Variants in PPEF2 observed in about 807,000 individuals in gnomAD.
PPEF2 encodes serine/threonine-protein phosphatase with EF-hands 2.
Under a neutral mutation model 84.7 loss-of-function variants are expected in PPEF2, and 84 were observed. That is an observed-to-expected ratio of 0.99 (90% CI 0.83 to 1.19). The LOEUF (loss-of-function observed/expected upper bound fraction) is 1.19. Ranked by LOEUF, PPEF2 falls within the 50% of genes most tolerant of loss-of-function variation. PPEF2 has a pLI of 0.00. For synonymous variants in PPEF2, 346 were observed against 345.2 expected, an observed-to-expected ratio of 1.00 and a Z score of -0.03; for missense variants, 924 against 937.5, an observed-to-expected ratio of 0.99 and a Z score of 0.19.
In PPEF2 at chr4:75,888,882, A is replaced by G. The variant is rs536465070; in HGVS notation, c.418-554T>C. Among the ~76,000 whole-genome samples the G allele has an allele frequency of 2.6e-5, 4 of 152,322 alleles. No individual in the cohort carries two copies. In the South Asian group the frequency reaches 8.3e-4, roughly 32 times the overall value. Reference sequence around the variant, plus strand: ...CCCTACTTTGGCCCTTGCCGCCTACACTGTCTTAACACAGCAACCAGAATG... The same window carrying G: ...CCCTACTTTGGCCCTTGCCGCCTACGCTGTCTTAACACAGCAACCAGAATG... On this transcript the variant is annotated intron_variant, in intron 5 of 16. Coordinates refer to ENST00000286719, the MANE Select transcript of PPEF2 (RefSeq NM_006239.3).
At position 75,876,444 on chromosome 4, in the gene PPEF2, C is replaced by T. The variant is rs140029551; in HGVS notation, c.1163G>A (p.Arg388Gln). 2,795 of 1,614,102 alleles carry T rather than the reference C, an allele frequency of 1.7e-3. 1 individual carries two copies. Among genetic ancestry groups the T allele is most frequent in the Non-Finnish European group, 2.2e-3 (2,606 of 1,180,004 alleles). ...CAGTTCCACGGAGCTCCGCACCTGC[C>T]GGGAGAGCTCCCGCCCGTCCAGGGA... ...SGSLDGRELS[R>Q]QVRSSVELEL... Residue 388 changes from arginine to glutamine, a missense_variant, in exon 11 of 17, where the codon CGG becomes CAG. By Grantham distance (43) the Arg-to-Gln change is conservative. Transcript: ENST00000286719.
intron 2 of PPEF2, among the ~76,000 whole-genome samples, chr4:75,892,292 G>A (rs574354094): frequency 9.9e-5 from 15 of 152,276 alleles, no homozygotes; most frequent in East Asian, 3.9e-4. Flanking sequence ...CCAGGATTCC[G>A]AGAAGGAGAT....
chr4:75,886,924 A>T (rs1475591977), intron 6 of PPEF2, 26 bp from the exon 7 acceptor site: 3 of 1,303,002 alleles, frequency 2.3e-6, no homozygotes, highest in Non-Finnish European at 3.2e-6. Flanking sequence ...AAAGAATATC[A>T]ATTCTGATTG....
chr4:75,864,097 T>C (rs2149213432), intron 16 of PPEF2, among the ~76,000 whole-genome samples: 1 of 152,228 alleles, frequency 6.6e-6, no homozygotes, highest in Admixed American at 6.5e-5. Context: ...GGTCTCGAAC[T>C]CCTGACTTCA....
At chr4:75,875,055 C>T (rs910267188) in intron 11 of PPEF2, among the ~76,000 whole-genome samples, 2 of 152,104 alleles carry the variant, frequency 1.3e-5, no homozygotes, top group African/African-American at 4.8e-5. Context: ...GCACCCACCA[C>T]CATGCCTGGC....
intron 1 of PPEF2, among the ~76,000 whole-genome samples, chr4:75,901,270 C>A (rs1042857881): frequency 1.3e-5 from 2 of 152,120 alleles, no homozygotes; most frequent in African/African-American, 4.8e-5. Flanking sequence ...AATCCCAGCA[C>A]TTTGGGAGGC....
At chr4:75,893,882 G>C (rs139820622) in intron 2 of PPEF2, among the ~76,000 whole-genome samples, 30 of 118,806 alleles carry the variant, frequency 2.5e-4, no homozygotes, top group South Asian at 6.5e-4. Flanking sequence ...TCTTCCTCCC[G>C]GTTGACTATC....
At chr4:75,887,872 C>T (rs906952704) in intron 6 of PPEF2, among the ~76,000 whole-genome samples, 4 of 152,224 alleles carry the variant, frequency 2.6e-5, no homozygotes, top group African/African-American at 9.6e-5. Context: ...TGCTAGTCAT[C>T]GGGGCTTTCT....
chr4:75,865,675 C>G (rs952068173), intron 15 of PPEF2, among the ~76,000 whole-genome samples: 3 of 152,082 alleles, frequency 2.0e-5, no homozygotes, highest in Admixed American at 2.0e-4. Flanking sequence ...AGTGAGCCAC[C>G]GCACCCAGCT....
chr4:75,883,369 G>T, intron 8 of PPEF2, 167 bp from the exon 9 acceptor site: 1 of 621,856 alleles, frequency 1.6e-6, no homozygotes, highest in Non-Finnish European at 2.8e-6. Flanking sequence ...TTATCCCTGG[G>T]TAGAGAAATT....
intron 2 of PPEF2, among the ~76,000 whole-genome samples, chr4:75,894,745 G>T (rs894310971): frequency 6.6e-6 from 1 of 152,198 alleles, no homozygotes. Context: ...TGTACCTTGC[G>T]TGATCTAATA....
intron 10 of PPEF2, among the ~76,000 whole-genome samples, chr4:75,880,974 G>A (rs1040514208): frequency 6.6e-6 from 1 of 151,334 alleles, no homozygotes; most frequent in Non-Finnish European, 1.5e-5. Context: ...TAATTTTTTT[G>A]TATTTTTAGT....
chr4:75,888,344 G>C lies in PPEF2; in HGVS notation c.418-16C>G. On this transcript the variant is annotated splice_polypyrimidine_tract_variant and intron_variant, in intron 5 of 16. Coordinates refer to ENST00000286719, the MANE Select transcript of PPEF2 (RefSeq NM_006239.3). ...CATGGAGCTGCTACTGGGAGGAAGAGGAGGGAAGGAAGAAAACAACACTGA... is the reference window on the plus strand; with the variant it reads ...CATGGAGCTGCTACTGGGAGGAAGACGAGGGAAGGAAGAAAACAACACTGA... 2 of 1,575,166 alleles carry C rather than the reference G, an allele frequency of 1.3e-6. No individual in the cohort carries two copies. The highest frequency in any genetic ancestry group is 1.7e-6 in the Non-Finnish European group (2 of 1,144,714).
chr4:75,864,400 T>A, intron 16 of PPEF2, 40 bp downstream of exon 16: 1 of 1,428,382 alleles, frequency 7.0e-7, no homozygotes, highest in Non-Finnish European at 9.9e-7. Context: ...GTAAAATACT[T>A]GCAGTGCTTC....
chr4:75,876,129 A>G (rs1454879910), intron 11 of PPEF2, among the ~76,000 whole-genome samples, 158 bp downstream of exon 11: 1 of 152,188 alleles, frequency 6.6e-6, no homozygotes, highest in Admixed American at 6.5e-5. Flanking sequence ...AAACTCTAAA[A>G]CATATGAGTC....
chr4:75,868,127 T>C (rs1160592384), intron 13 of PPEF2, among the ~76,000 whole-genome samples: 2 of 142,822 alleles, frequency 1.4e-5, no homozygotes, highest in Non-Finnish European at 3.0e-5. Flanking sequence ...CTTGGCAACA[T>C]GGCAAAACCC....
intron 11 of PPEF2, among the ~76,000 whole-genome samples, chr4:75,875,001 G>C (rs192561081): frequency 6.6e-5 from 10 of 150,936 alleles, no homozygotes; most frequent in Non-Finnish European, 1.3e-4. Context: ...TCCTGGGTGC[G>C]TGACATTCTC....
At chr4:75,866,079 C>A in intron 15 of PPEF2, 110 bp downstream of exon 15, 2 of 1,236,844 alleles carry the variant, frequency 1.6e-6, no homozygotes, top group Middle Eastern at 2.0e-4. Flanking sequence ...TCCCCTTTCT[C>A]ACCCATCCAG....
At chr4:75,895,115 C>T (rs1252798113) in intron 2 of PPEF2, among the ~76,000 whole-genome samples, 1 of 146,532 alleles carries the variant, frequency 6.8e-6, no homozygotes, top group Non-Finnish European at 1.5e-5. Context: ...CGCCACCACA[C>T]CCAGCTAATT....
Sources: gnomAD v4.1 joint callset for allele counts (sites outside exome capture counted in the v4.1 genomes callset) on GRCh38, gnomAD v4.1.1 for gene constraint, MANE v1.5 for transcripts, NCBI Gene and HGNC (gene_info 2026-07-23, HGNC 2026-07-21) for gene names.